MBD5: variants seen among roughly 807,000 people sequenced by gnomAD.
The protein encoded by MBD5 is methyl-CpG-binding domain protein 5.
In MBD5, 13 loss-of-function variants were observed where a neutral mutation model predicts 117.3. The observed-to-expected ratio is 0.11, with a 90% confidence interval of 0.07 to 0.18. The LOEUF is 0.18. MBD5 is among the 10% of genes least tolerant of loss of function. The pLI is 1.00. For synonymous variants in MBD5, 727 were observed against 766.4 expected, an observed-to-expected ratio of 0.95 and a Z score of 0.85; for missense variants, 1,879 against 2,093.8, an observed-to-expected ratio of 0.90 and a Z score of 2.00.
At chr2:148,328,196 A>G (rs1027011783) in intron 3 of MBD5, among the ~76,000 whole-genome samples, 8 of 152,196 alleles carry the variant, frequency 5.3e-5, no homozygotes, top group East Asian at 1.9e-4. Context: ...CAGTCTGCCC[A>G]TTCTCAGATC....
rs892614835 is a variant in MBD5, at chr2:148,515,015, T to C, written c.*2074T>C. ...TCACATGAAGTAATCTTTTGTGTAG[T>C]TTAGTTGACACATGTTTATAAGTTA... is the stretch of plus-strand genomic sequence containing the variant. On this transcript the variant is annotated 3_prime_UTR_variant, in exon 14 of 14. Coordinates refer to ENST00000642680, the MANE Select transcript of MBD5 (RefSeq NM_001378120.1). The C allele has an allele frequency of 6.6e-6, 1 of 152,190 alleles. No individual in the cohort carries two copies. The highest frequency in any genetic ancestry group is 1.5e-5 in the Non-Finnish European group (1 of 68,038). 9.4% of individuals were successfully genotyped at this position (152,190 alleles called of 1,614,324 possible).
chr2:148,506,804 A>T (rs1448537870), intron 12 of MBD5, among the ~76,000 whole-genome samples: 5 of 152,222 alleles, frequency 3.3e-5, no homozygotes. Context: ...TTTATTATTA[A>T]ATGTCAGCAG....
At position 148,394,545 on chromosome 2, in the gene MBD5, GTTT is replaced by G. The variant is rs71856376; in HGVS notation, c.-557+52222_-557+52224del. Among the ~76,000 whole-genome samples, 482 of 121,856 alleles carry G rather than the reference GTTT, an allele frequency of 4.0e-3. 4 individuals carry two copies. Among genetic ancestry groups the G allele is most frequent in the African/African-American group, 0.012 (376 of 32,418 alleles). 79.9% of individuals were successfully genotyped at this position (121,856 alleles called of 152,430 possible). A position where few individuals can be genotyped will look rare whatever the true frequency, so the allele number is the denominator to read the frequency against. ...TTCCCTTTTTTCATTCTGTACTTTG[GTTT>G]TTTTTTTTTTTTCATTTTTTTGTTC... On this transcript the variant is annotated intron_variant, in intron 4 of 13. Transcript: ENST00000642680.
Position 148,458,310 on chromosome 2 carries a change from A to G in MBD5, c.-449A>G, listed in dbSNP as rs1706947260. ...AGAAAGTTTAAAGAATGTGGCCTAT[A>G]AAGGCGGGTACCTGGAAATATTAAC... On this transcript the variant is annotated 5_prime_UTR_variant, in exon 5 of 14. The change creates a new upstream start codon in the 5' untranslated region. Coordinates refer to ENST00000642680, the MANE Select transcript of MBD5 (RefSeq NM_001378120.1). 1 of 411,068 alleles carries G rather than the reference A, an allele frequency of 2.4e-6. No homozygotes were observed. The highest frequency in any genetic ancestry group is 4.3e-6 in the Non-Finnish European group (1 of 232,530). The allele number at this position is 411,068 out of a possible 1,614,324, so 25.5% of individuals were successfully genotyped here.
At chr2:148,285,383 G>A (rs1325935209) in intron 3 of MBD5, among the ~76,000 whole-genome samples, 1 of 152,108 alleles carries the variant, frequency 6.6e-6, no homozygotes, top group East Asian at 1.9e-4. Flanking sequence ...AGAAATGAAA[G>A]CTGATTAAGA....
intron 1 of MBD5, among the ~76,000 whole-genome samples, chr2:148,090,044 C>A (rs1695895841): frequency 6.6e-6 from 1 of 151,754 alleles, no homozygotes; most frequent in Non-Finnish European, 1.5e-5. Flanking sequence ...ATCATTCAAG[C>A]CTACTATGAA....
chr2:148,511,187 A>G (rs1682202867), intron 13 of MBD5, among the ~76,000 whole-genome samples: 1 of 152,186 alleles, frequency 6.6e-6, no homozygotes, highest in Non-Finnish European at 1.5e-5. Flanking sequence ...CCTTGAAGGT[A>G]AAAGAAAAGA....
chr2:148,237,541 T>G (rs1198778613), intron 3 of MBD5, among the ~76,000 whole-genome samples: 1 of 152,158 alleles, frequency 6.6e-6, no homozygotes, highest in Non-Finnish European at 1.5e-5. Context: ...CAGTTAAGTG[T>G]GCTCTCTTAT....
At chr2:148,331,145 AT>A (rs1321285902) in intron 3 of MBD5, among the ~76,000 whole-genome samples, 1 of 152,186 alleles carries the variant, frequency 6.6e-6, no homozygotes, top group Non-Finnish European at 1.5e-5. Flanking sequence ...AATTTCTCCT[AT>A]AAAGTTGTAT....
intron 4 of MBD5, among the ~76,000 whole-genome samples, chr2:148,411,509 G>GTTTT (rs1164420089): frequency 1.7e-5 from 1 of 60,466 alleles, no homozygotes; most frequent in African/African-American, 6.4e-5. Flanking sequence ...ACCAGCATCT[G>GTTTT]TTCTTTTTTT....
intron 4 of MBD5, among the ~76,000 whole-genome samples, chr2:148,383,510 C>T (rs1174086713): frequency 2.0e-5 from 3 of 152,094 alleles, no homozygotes; most frequent in African/African-American, 7.2e-5. Flanking sequence ...GATTCACAGT[C>T]GAATTCTACC....
chr2:148,181,697 T>C (rs1171815957), intron 2 of MBD5, among the ~76,000 whole-genome samples: 2 of 152,168 alleles, frequency 1.3e-5, no homozygotes, highest in Non-Finnish European at 2.9e-5. Context: ...TTCAATTGTT[T>C]TATAGGAATT....
chr2:148,371,989 A>G (rs923591668), intron 4 of MBD5, among the ~76,000 whole-genome samples: 8 of 152,176 alleles, frequency 5.3e-5, no homozygotes, highest in Admixed American at 3.9e-4. Context: ...CTGTAGACAT[A>G]GAAGATACAG....
intron 11 of MBD5, among the ~76,000 whole-genome samples, chr2:148,494,403 T>C (rs1559101751): frequency 2.0e-5 from 3 of 152,314 alleles, no homozygotes; most frequent in East Asian, 3.9e-4. Context: ...AAGTTCCTCT[T>C]TCCTCAATGT....
At chr2:148,390,493 GTATATATGTGTGTGTA>G (rs1259590820) in intron 4 of MBD5, among the ~76,000 whole-genome samples, 1 of 146,598 alleles carries the variant, frequency 6.8e-6, no homozygotes, top group Non-Finnish European at 1.5e-5. Context: ...ATATATATGT[GTATATATGTGTGTGTA>G]TGTATATATG....
chr2:148,129,753 A>T (rs1243929783), intron 1 of MBD5, among the ~76,000 whole-genome samples: 1 of 152,206 alleles, frequency 6.6e-6, no homozygotes, highest in Non-Finnish European at 1.5e-5. Context: ...ATATTAATTG[A>T]TAATTCAGAC....
At chr2:148,223,686 T>C (rs1036850237) in intron 2 of MBD5, among the ~76,000 whole-genome samples, 7 of 152,154 alleles carry the variant, frequency 4.6e-5, no homozygotes, top group Non-Finnish European at 8.8e-5. Context: ...TTAATTTTGC[T>C]TAACTTTTCA....
chr2:148,445,236 A>C lies in MBD5; in HGVS notation c.-556-12967A>C, dbSNP rs1045951469. Reference sequence around the variant, plus strand: ...TGTGCCATGTTGGTGTGCTGCACCCATTAACTCGTCATTTACATTAGGTGT... The same window carrying C: ...TGTGCCATGTTGGTGTGCTGCACCCCTTAACTCGTCATTTACATTAGGTGT... On this transcript the variant is annotated intron_variant, in intron 4 of 13. Transcript: ENST00000642680. Among the ~76,000 whole-genome samples, 105 of 151,226 alleles carry C rather than the reference A, an allele frequency of 6.9e-4. 2 individuals are homozygous for C. The highest frequency in any genetic ancestry group is 2.4e-3 in the African/African-American group (99 of 40,616).
At chr2:148,071,635 G>T (rs1383908974) in intron 1 of MBD5, 1 of 152,062 alleles carries the variant, frequency 6.6e-6, no homozygotes, top group Non-Finnish European at 1.5e-5. Context: ...GTAGAATCCA[G>T]ATCATTAAAA....
Sources: allele counts gnomAD v4.1 joint callset (sites outside exome capture counted in the v4.1 genomes callset), GRCh38; gene constraint gnomAD v4.1.1; transcripts MANE v1.5; gene names NCBI Gene and HGNC (gene_info 2026-07-23, HGNC 2026-07-21).